Variants in EPS8 observed in about 807,000 individuals in gnomAD.
EPS8 encodes epidermal growth factor receptor kinase substrate 8.
A neutral mutation model predicts 103.8 loss-of-function variants in EPS8; 42 were observed. The observed-to-expected ratio is 0.40, with a 90% CI of 0.32 to 0.52. The LOEUF is 0.52. Among genes scored for constraint, EPS8 ranks in the 20% least tolerant of loss-of-function variants. The probability of loss-of-function intolerance (pLI) is 0.40; values close to 1 mark genes in which losing one functional copy is unlikely to be tolerated. For missense variants in EPS8, 969 were observed against 1,005.1 expected, an observed-to-expected ratio of 0.96 and a Z score of 0.49; for synonymous variants, 344 against 344.6, an observed-to-expected ratio of 1.00 and a Z score of 0.02.
intron 1 of EPS8, among the ~76,000 whole-genome samples, chr12:15,765,979 A>G (rs1947090804): frequency 6.6e-6 from 1 of 151,326 alleles, no homozygotes; most frequent in Non-Finnish European, 1.5e-5. Context: ...ATACCCAGCT[A>G]ATGTTTTTGT....
rs1408306619 is a variant in EPS8, at chr12:15,727,542, G to A, written c.-21-44570C>T. ...ACTTTTGTAAATACAGTAAAGCAAG[G>A]TATTTAAAATTCTGACTCATTAAAA... is the stretch of plus-strand genomic sequence containing the variant. On this transcript the variant is annotated intron_variant, in intron 1 of 20. Transcript: ENST00000281172. The surrounding 1 kb of genome is among the most constrained non-coding windows in gnomAD (Gnocchi z 4.3). Among the ~76,000 whole-genome samples the A allele has an allele frequency of 4.6e-5, 7 of 152,284 alleles. No individual in the cohort carries two copies. The highest frequency in any genetic ancestry group is 4.6e-4 in the Admixed American group (7 of 15,292).
rs902422100 is a variant in EPS8, at chr12:15,777,635, A to T, written c.-22+11526T>A. 1.3e-5 allele frequency among the ~76,000 whole-genome samples: 2 copies of T among 152,196 alleles called. No individual in the cohort carries two copies. The highest frequency in any genetic ancestry group is 4.8e-5 in the African/African-American group (2 of 41,464). On this transcript the variant is annotated intron_variant, in intron 1 of 20. Transcript: ENST00000281172. The surrounding 1 kb of genome is among the most constrained non-coding windows in gnomAD (Gnocchi z 4.7). ...CTCTCTCCATGACTGAGATCTCACC[A>T]GGCAGTGAGAAAGAGTTAGAATAGT...
chr12:15,771,164 G>A lies in EPS8; in HGVS notation c.-22+17997C>T, dbSNP rs1257392398. On this transcript the variant is annotated intron_variant, in intron 1 of 20. Transcript: ENST00000281172. The surrounding 1 kb of genome is among the most constrained non-coding windows in gnomAD (Gnocchi z 4.6). ...AAAGTAGACCTTAACTGATGGATTC[G>A]ATTTGTATATAGAGATAAATTAAAA... is the stretch of plus-strand genomic sequence containing the variant. 6.6e-6 allele frequency among the ~76,000 whole-genome samples: 1 copy of A among 152,176 alleles called. No homozygotes were observed. Among genetic ancestry groups the A allele is most frequent in the Non-Finnish European group, 1.5e-5 (1 of 68,020 alleles).
At chr12:15,658,887 T>TTTA (rs1320856564) in intron 10 of EPS8, among the ~76,000 whole-genome samples, 1 of 152,144 alleles carries the variant, frequency 6.6e-6, no homozygotes, top group Non-Finnish European at 1.5e-5. Context: ...CTAAGGGCCT[T>TTTA]AAAAGCTAAT....
At chr12:15,653,285 G>T (rs1945446668) in intron 13 of EPS8, among the ~76,000 whole-genome samples, 1 of 152,146 alleles carries the variant, frequency 6.6e-6, no homozygotes, top group Non-Finnish European at 1.5e-5. Context: ...AAACATAGAT[G>T]TAATTATGTC....
In EPS8 at chr12:15,749,748, T is replaced by C; in HGVS notation, c.-22+39413A>G. Among the ~76,000 whole-genome samples, 1 of 152,332 alleles carries C rather than the reference T, an allele frequency of 6.6e-6. No homozygotes were observed. The highest frequency in any genetic ancestry group is 2.4e-5 in the African/African-American group (1 of 41,566). ...TAAAATCAAATATAAAATTAAGTGA[T>C]TACATGTTGAGATTATAGATATTTT... On this transcript the variant is annotated intron_variant, in intron 1 of 20. Coordinates refer to ENST00000281172, the MANE Select transcript of EPS8 (RefSeq NM_004447.6). This position sits in a 1 kb window ranked among gnomAD's most constrained non-coding sequence, Gnocchi z 4.0.
intron 1 of EPS8, among the ~76,000 whole-genome samples, chr12:15,703,847 G>GTTTTTTTT (rs58735135): frequency 1.4e-3 from 83 of 61,182 alleles, no homozygotes; most frequent in Admixed American, 3.9e-3. Context: ...CTATGTATTT[G>GTTTTTTTT]TTTTTTTTTT....
rs1946237613 is a variant in EPS8 at position 15,695,958 on chromosome 12, T to G, written c.-21-12986A>C. 6.6e-6 allele frequency among the ~76,000 whole-genome samples: 1 copy of G among 152,066 alleles called. No individual in the cohort carries two copies. The highest frequency in any genetic ancestry group is 1.5e-5 in the Non-Finnish European group (1 of 68,002). ...CAACTTCTGTTAATTTATTAAAAAG[T>G]AAAAATAAAACAGATAGCGTTTATA... On this transcript the variant is annotated intron_variant, in intron 1 of 20. Transcript: ENST00000281172. The surrounding 1 kb of genome is among the most constrained non-coding windows in gnomAD (Gnocchi z 5.0).
At chr12:15,775,443 A>C (rs1947198361) in intron 1 of EPS8, among the ~76,000 whole-genome samples, 1 of 152,172 alleles carries the variant, frequency 6.6e-6, no homozygotes, top group Non-Finnish European at 1.5e-5. Flanking sequence ...GCTCATAAAT[A>C]GCCAACGTTC....
chr12:15,697,314 C>T lies in EPS8; in HGVS notation c.-21-14342G>A, dbSNP rs1946256221. Among the ~76,000 whole-genome samples the T allele has an allele frequency of 6.6e-6, 1 of 152,184 alleles. No homozygotes were observed. Among genetic ancestry groups the T allele is most frequent in the African/African-American group, 2.4e-5 (1 of 41,438 alleles). Reference sequence around the variant, plus strand: ...CCCCATTCTAAGCCAAATGGTGGTACAAAATCAGGGCATGAAGGAAAACTA... The same window carrying T: ...CCCCATTCTAAGCCAAATGGTGGTATAAAATCAGGGCATGAAGGAAAACTA... On this transcript the variant is annotated intron_variant, in intron 1 of 20. Transcript: ENST00000281172. This position sits in a 1 kb window ranked among gnomAD's most constrained non-coding sequence, Gnocchi z 5.6.
chr12:15,720,516 T>C (rs975157446), intron 1 of EPS8, among the ~76,000 whole-genome samples: 1 of 152,194 alleles, frequency 6.6e-6, no homozygotes, highest in Non-Finnish European at 1.5e-5. Context: ...AAGCAAAGCA[T>C]ACTGTAAAAG....
At chr12:15,743,000 T>C (rs1245253081) in intron 1 of EPS8, among the ~76,000 whole-genome samples, 1 of 152,220 alleles carries the variant, frequency 6.6e-6, no homozygotes, top group Non-Finnish European at 1.5e-5. Flanking sequence ...CATGATTGTC[T>C]ATCTAGAAAA....
chr12:15,711,351 A>G (rs1226586837), intron 1 of EPS8, among the ~76,000 whole-genome samples: 1 of 152,214 alleles, frequency 6.6e-6, no homozygotes, highest in African/African-American at 2.4e-5. Flanking sequence ...AACTATTTAC[A>G]TAGAAATGAG....
At chr12:15,655,064 G>A (rs555017060) in intron 12 of EPS8, among the ~76,000 whole-genome samples, 4 of 152,064 alleles carry the variant, frequency 2.6e-5, no homozygotes, top group East Asian at 1.9e-4. Context: ...TCAGAGATGC[G>A]GCACAAGAAG....
rs975919630 is a variant in EPS8 at position 15,698,629 on chromosome 12, A to T, written c.-21-15657T>A. ...CGTACCGGCACATAGTAGCACATTC[A>T]AACTATTTAGCTGGGGAAAACATGA... is the stretch of plus-strand genomic sequence containing the variant. On this transcript the variant is annotated intron_variant, in intron 1 of 20. Coordinates refer to ENST00000281172, the MANE Select transcript of EPS8 (RefSeq NM_004447.6). The surrounding 1 kb of genome is among the most constrained non-coding windows in gnomAD (Gnocchi z 4.9). Among the ~76,000 whole-genome samples, 1 of 152,170 alleles carries T rather than the reference A, an allele frequency of 6.6e-6. No individual in the cohort carries two copies. The highest frequency in any genetic ancestry group is 1.9e-4 in the East Asian group (1 of 5,198).
chr12:15,741,944 A>G (rs1946828575), intron 1 of EPS8, among the ~76,000 whole-genome samples: 1 of 152,238 alleles, frequency 6.6e-6, no homozygotes. Context: ...GTTCCCACCT[A>G]TGAGTGAGAA....
intron 3 of EPS8, among the ~76,000 whole-genome samples, chr12:15,673,321 A>T (rs1300162000): frequency 6.9e-6 from 1 of 144,438 alleles, no homozygotes; most frequent in Non-Finnish European, 1.5e-5. Context: ...GGACTTATAA[A>T]TAAACTAGTA....
intron 8 of EPS8, chr12:15,662,656 A>G (rs1945626168): frequency 2.0e-6 from 2 of 985,530 alleles, no homozygotes; most frequent in Non-Finnish European, 2.4e-6. Context: ...AAATTTTCAC[A>G]TTAAAAAATA....
rs1245560801 is a variant in EPS8 at position 15,701,281 on chromosome 12, G to A, written c.-21-18309C>T. 2.0e-5 allele frequency among the ~76,000 whole-genome samples: 3 copies of A among 152,120 alleles called. No individual in the cohort carries two copies. Among genetic ancestry groups the A allele is most frequent in the South Asian group, 2.1e-4 (1 of 4,822 alleles). Reference sequence around the variant, plus strand: ...TCAATTGATAAGCATAACTCTAAAAGGCAGGTACTACTTTTATCTCTAGTT... The same window carrying A: ...TCAATTGATAAGCATAACTCTAAAAAGCAGGTACTACTTTTATCTCTAGTT... On this transcript the variant is annotated intron_variant, in intron 1 of 20. Coordinates refer to ENST00000281172, the MANE Select transcript of EPS8 (RefSeq NM_004447.6). The surrounding 1 kb of genome is among the most constrained non-coding windows in gnomAD (Gnocchi z 5.1).
Sources: allele counts gnomAD v4.1 joint callset (sites outside exome capture counted in the v4.1 genomes callset), GRCh38; gene constraint gnomAD v4.1.1; non-coding constraint Gnocchi (gnomAD v3.1); transcripts MANE v1.5; gene names NCBI Gene and HGNC (gene_info 2026-07-23, HGNC 2026-07-21).